The following IL18R1 variants were observed in gnomAD, a reference collection of about 807,000 sequenced individuals.
The protein encoded by IL18R1 is interleukin 18 receptor 1, also known as interleukin-18 receptor 1.
IL18R1 carries 40 observed loss-of-function variants against 48.5 expected under a neutral mutation model. That is an observed-to-expected ratio of 0.82 (90% CI 0.64 to 1.07). The LOEUF (loss-of-function observed/expected upper bound fraction) is 1.07. IL18R1 is among the 50% of genes least tolerant of loss of function. IL18R1 has a pLI of 0.00. For synonymous variants in IL18R1, 232 were observed against 225.9 expected (o/e 1.03, Z -0.24); for missense variants, 596 against 633.7 (o/e 0.94, Z 0.64).
At chr2:102,369,995 A>G (rs956881654) in intron 3 of IL18R1, among the ~76,000 whole-genome samples, 4 of 152,232 alleles carry the variant, frequency 2.6e-5, no homozygotes, top group Non-Finnish European at 4.4e-5. Flanking sequence ...CTAGGCTGAC[A>G]GGCAGCAAGT....
At chr2:102,391,381 T>G (rs1158107633) in intron 9 of IL18R1, among the ~76,000 whole-genome samples, 1 of 152,196 alleles carries the variant, frequency 6.6e-6, no homozygotes, top group African/African-American at 2.4e-5. Flanking sequence ...AACTTTGCTC[T>G]CTTATACCTT....
At chr2:102,360,439 A>C (rs1321356140) in intron 1 of IL18R1, among the ~76,000 whole-genome samples, 1 of 151,952 alleles carries the variant, frequency 6.6e-6, no homozygotes, top group South Asian at 2.1e-4. Flanking sequence ...AATTTTTTGT[A>C]TTTTTAGTAG....
chr2:102,397,012 A>C lies in IL18R1; in HGVS notation c.*126A>C. On this transcript the variant is annotated 3_prime_UTR_variant, in exon 11 of 11. Coordinates refer to ENST00000233957, the MANE Select transcript of IL18R1 (RefSeq NM_003855.5). The stretch of plus-strand genomic sequence containing the variant: ...TGTCAAAATCCTGCTCACAATTTGA[A>C]GATGAAACTTGTCATTAGGTTGGCG... 1 of 643,666 alleles carries C rather than the reference A, an allele frequency of 1.6e-6. No homozygotes were observed. The highest frequency in any genetic ancestry group is 2.7e-6 in the Non-Finnish European group (1 of 377,288). 39.9% of individuals were successfully genotyped at this position (643,666 alleles called of 1,614,324 possible). A position where few individuals can be genotyped will look rare whatever the true frequency, so the allele number is the denominator to read the frequency against.
chr2:102,375,674 CATGCTCTACTTCCCAGCAT>C (rs1369295659), intron 4 of IL18R1, among the ~76,000 whole-genome samples: 1 of 152,176 alleles, frequency 6.6e-6, no homozygotes, highest in Admixed American at 6.5e-5. Flanking sequence ...CATATTGCCC[CATGCTCTACTTCCCAGCAT>C]ATATTAATAA....
chr2:102,367,074 A>G (rs1015966339), intron 2 of IL18R1, among the ~76,000 whole-genome samples: 1 of 152,178 alleles, frequency 6.6e-6, no homozygotes, highest in Non-Finnish European at 1.5e-5. Context: ...AAGACCCATT[A>G]ATGCTGAACT....
At position 102,390,193 on chromosome 2, in the gene IL18R1, A is replaced by G. The variant is rs1680484635; in HGVS notation, c.1087A>G (p.Thr363Ala). ...VDLVLFYRHLTRRDETLTDGK... is the reference protein window; with the variant it reads ...VDLVLFYRHLARRDETLTDGK... ...CTTGGTTCTATTTTATAGACATTTA[A>G]CGAGAAGAGATGAAACATTAACAGG... is the stretch of plus-strand genomic sequence containing the variant. Residue 363 changes from threonine (T) to alanine (A), a missense_variant, in exon 9 of 11, where the codon ACG becomes GCG. This residue lies in a region of IL18R1 where 179 missense variants were observed against 206.1 expected (regional missense o/e 0.87). Transcript: ENST00000233957. 2 of 1,613,938 alleles carry G rather than the reference A, an allele frequency of 1.2e-6. No homozygotes were observed. Among genetic ancestry groups the G allele is most frequent in the African/African-American group, 1.3e-5 (1 of 74,926 alleles).
chr2:102,359,470 C>G (rs1021515026), intron 1 of IL18R1, among the ~76,000 whole-genome samples: 2 of 152,002 alleles, frequency 1.3e-5, no homozygotes, highest in African/African-American at 2.4e-5. Context: ...AAGTAAACAA[C>G]AAGTTAGACA....
intron 1 of IL18R1, 131 bp from the exon 2 acceptor site, chr2:102,362,502 A>G (rs1454036771): frequency 1.7e-5 from 9 of 525,104 alleles, no homozygotes; most frequent in Non-Finnish European, 3.0e-5. Flanking sequence ...TGGTTACTAT[A>G]TTAAGGATTA....
intron 5 of IL18R1, among the ~76,000 whole-genome samples, chr2:102,379,268 A>G (rs937743573): frequency 1.4e-4 from 21 of 151,894 alleles, no homozygotes; most frequent in African/African-American, 4.8e-4. Flanking sequence ...ACATGGCAAA[A>G]CCCCATCTCT....
intron 1 of IL18R1, among the ~76,000 whole-genome samples, chr2:102,357,490 C>A (rs1167235747): frequency 2.9e-5 from 4 of 137,646 alleles, no homozygotes; most frequent in Admixed American, 7.3e-5. Context: ...GACTCTATCT[C>A]AAAAAAAAAA....
rs1559631400 is a variant in IL18R1, at chr2:102,387,009, G to T, written c.949+9G>T. 1 of 1,607,804 alleles carries T rather than the reference G, an allele frequency of 6.2e-7. No individual in the cohort carries two copies. The highest frequency in any genetic ancestry group is 8.5e-7 in the Non-Finnish European group (1 of 1,178,394). On this transcript the variant is annotated intron_variant, in intron 8 of 10. Transcript: ENST00000233957. ...CATCTTGGTGAGAAAAGGTGAGAAA[G>T]ATTTATTTTTGGAAGTTTTGAAACT...
At chr2:102,390,640 G>T (rs1392841307) in intron 9 of IL18R1, among the ~76,000 whole-genome samples, 1 of 152,102 alleles carries the variant, frequency 6.6e-6, no homozygotes, top group Non-Finnish European at 1.5e-5. Flanking sequence ...GGACGTGTAA[G>T]AACCCCCAGC....
At chr2:102,368,737 A>G (rs1679060113) in intron 3 of IL18R1, among the ~76,000 whole-genome samples, 1 of 152,170 alleles carries the variant, frequency 6.6e-6, no homozygotes, top group African/African-American at 2.4e-5. Flanking sequence ...ACACTTACCG[A>G]ACATGTTTCT....
intron 6 of IL18R1, among the ~76,000 whole-genome samples, chr2:102,384,300 C>T (rs11465639): frequency 0.017 from 2,562 of 152,282 alleles, 70 homozygotes; most frequent in African/African-American, 0.058. Flanking sequence ...TTACGCTGTC[C>T]GAGCGCTTAG....
intron 1 of IL18R1, among the ~76,000 whole-genome samples, chr2:102,359,821 G>A (rs1165499426): frequency 1.3e-5 from 2 of 152,102 alleles, no homozygotes; most frequent in African/African-American, 4.8e-5. Context: ...GTAACATCCA[G>A]GAAATAATAA....
At chr2:102,378,652 G>C (rs967683481) in intron 5 of IL18R1, among the ~76,000 whole-genome samples, 5 of 152,178 alleles carry the variant, frequency 3.3e-5, no homozygotes, top group African/African-American at 1.2e-4. Context: ...AACTTGAAAG[G>C]TTTCTGGAAA....
intron 2 of IL18R1, 123 bp from the exon 3 acceptor site, chr2:102,367,702 G>T: frequency 1.3e-6 from 1 of 789,258 alleles, no homozygotes. Flanking sequence ...AATTGACACC[G>T]AGATTTCTCA....
At chr2:102,391,471 A>G (rs909640307) in intron 9 of IL18R1, among the ~76,000 whole-genome samples, 1 of 152,174 alleles carries the variant, frequency 6.6e-6, no homozygotes, top group African/African-American at 2.4e-5. Context: ...CAGAGCTACC[A>G]CTGTTTATTT....
At chr2:102,389,382 T>A (rs140184202) in intron 8 of IL18R1, among the ~76,000 whole-genome samples, 195 of 152,364 alleles carry the variant, frequency 1.3e-3, no homozygotes, top group African/African-American at 4.7e-3. Flanking sequence ...CTGTATTATC[T>A]CAGATTGTCC....
Sources: gnomAD v4.1 joint callset for allele counts (sites outside exome capture counted in the v4.1 genomes callset) on GRCh38, gnomAD v4.1.1 for gene constraint, gnomAD v4.1.1 regional missense constraint, MANE v1.5 for transcripts, NCBI Gene and HGNC (gene_info 2026-07-23, HGNC 2026-07-21) for gene names.